The following NHSL1 variants were observed in gnomAD, a reference collection of about 807,000 sequenced individuals.
NHSL1 encodes the protein NHS-like protein 1.
NHSL1 carries 48 observed loss-of-function variants against 95.0 expected under a neutral mutation model. The ratio of observed to expected loss-of-function variants is 0.51; its 90% CI spans 0.40 to 0.64. The LOEUF (loss-of-function observed/expected upper bound fraction) is 0.64, where lower values mean the gene tolerates loss of function less well. NHSL1 is among the 30% of genes least tolerant of loss of function. NHSL1 has a pLI of 0.00. For missense variants in NHSL1, 1,971 were observed against 2,077.7 expected, an observed-to-expected ratio of 0.95 and a Z score of 1.00; for synonymous variants, 783 against 833.9, an observed-to-expected ratio of 0.94 and a Z score of 1.05.
At chr6:138,683,016 T>C (rs1236018429) in intron 1 of NHSL1, among the ~76,000 whole-genome samples, 1 of 152,132 alleles carries the variant, frequency 6.6e-6, no homozygotes, top group Non-Finnish European at 1.5e-5. Context: ...GCGACAGCTC[T>C]CCCATAGCTA....
intron 1 of NHSL1, among the ~76,000 whole-genome samples, chr6:138,613,887 T>G (rs943383826): frequency 2.6e-5 from 4 of 152,170 alleles, no homozygotes; most frequent in Non-Finnish European, 5.9e-5. Context: ...TCTGCAAATT[T>G]CCATGATTCC....
At position 138,473,287 on chromosome 6, in the gene NHSL1, G is replaced by A; in HGVS notation, c.339+19C>T. On this transcript the variant is annotated intron_variant, in intron 3 of 7. Coordinates refer to ENST00000343505, the MANE Select transcript of NHSL1 (RefSeq NM_001144060.2). ...TCTGGGACCCAACCCAGGACCCCGT[G>A]TTGAACTTTGAAGCTTACCTTTTGA... The A allele has an allele frequency of 6.6e-7, 1 of 1,524,062 alleles. No individual in the cohort carries two copies. The highest frequency in any genetic ancestry group is 8.8e-7 in the Non-Finnish European group (1 of 1,135,714). The allele number at this position is 1,524,062 out of a possible 1,614,324, so 94.4% of individuals were successfully genotyped here.
At chr6:138,554,775 T>C (rs943839355) in intron 1 of NHSL1, among the ~76,000 whole-genome samples, 13 of 152,216 alleles carry the variant, frequency 8.5e-5, no homozygotes, top group African/African-American at 2.9e-4. Context: ...TATAAAAAGG[T>C]AGTTTACTTC....
chr6:138,504,263 G>C (rs956813600), upstream of NHSL1, among the ~76,000 whole-genome samples: 3 of 152,134 alleles, frequency 2.0e-5, no homozygotes, highest in Non-Finnish European at 4.4e-5. Flanking sequence ...GAGAGAAAGA[G>C]AGAGAGAACG....
chr6:138,643,014 T>C (rs1182843205), intron 1 of NHSL1, among the ~76,000 whole-genome samples: 1 of 152,146 alleles, frequency 6.6e-6, no homozygotes, highest in Non-Finnish European at 1.5e-5. Context: ...AGCTTACCTA[T>C]CCCTACCATG....
At chr6:138,483,736 C>T (rs190287925) in intron 2 of NHSL1, among the ~76,000 whole-genome samples, 3 of 152,188 alleles carry the variant, frequency 2.0e-5, no homozygotes, top group Non-Finnish European at 2.9e-5. Context: ...AATCTCTCCA[C>T]GCCCTGAATG....
intron 1 of NHSL1, among the ~76,000 whole-genome samples, chr6:138,570,882 TG>T (rs1783814943): frequency 6.6e-6 from 1 of 152,240 alleles, no homozygotes; most frequent in Non-Finnish European, 1.5e-5. Flanking sequence ...ACTCCCCTAC[TG>T]GGCTTTGCCC....
chr6:138,687,389 C>T (rs1289097222), intron 1 of NHSL1, among the ~76,000 whole-genome samples: 1 of 152,024 alleles, frequency 6.6e-6, no homozygotes, highest in East Asian at 1.9e-4. Context: ...GACATCAGGA[C>T]CAGCCAACCC....
intron 1 of NHSL1, among the ~76,000 whole-genome samples, chr6:138,671,268 C>T (rs560193603): frequency 6.6e-6 from 1 of 151,940 alleles, no homozygotes; most frequent in South Asian, 2.1e-4. Context: ...ACCAGCCTGG[C>T]CAACATGGTG....
chr6:138,679,711 C>T (rs1785489316), intron 1 of NHSL1, among the ~76,000 whole-genome samples: 1 of 152,144 alleles, frequency 6.6e-6, no homozygotes, highest in Non-Finnish European at 1.5e-5. Context: ...AAGGGCTTTA[C>T]TTGGGATCCA....
At chr6:138,488,503 A>G (rs1446334593) in intron 2 of NHSL1, among the ~76,000 whole-genome samples, 1 of 152,214 alleles carries the variant, frequency 6.6e-6, no homozygotes, top group African/African-American at 2.4e-5. Context: ...AACCAATTAT[A>G]ACCCTAAAAA....
rs189441137 is a variant in NHSL1, at chr6:138,483,199, C to A, written c.212-9766G>T. Among the ~76,000 whole-genome samples the A allele has an allele frequency of 1.1e-3, 168 of 152,286 alleles. 1 individual carries two copies. The highest frequency in any genetic ancestry group is 3.6e-3 in the African/African-American group (149 of 41,556). ...GTCTTCTCTACTCAGAGGAGGTGTT[C>A]GGTGGGGATCCCAAAGAGGGCAATA... is the stretch of plus-strand genomic sequence containing the variant. On this transcript the variant is annotated intron_variant, in intron 2 of 7. Coordinates refer to ENST00000343505, the MANE Select transcript of NHSL1 (RefSeq NM_001144060.2).
chr6:138,670,299 T>G (rs1293151597), intron 1 of NHSL1, among the ~76,000 whole-genome samples: 1 of 150,740 alleles, frequency 6.6e-6, no homozygotes, highest in Admixed American at 6.6e-5. Flanking sequence ...ACTAGACACC[T>G]TAGGAAAATC....
In NHSL1 at chr6:138,425,130, G is replaced by A. The variant is rs553953959; in HGVS notation, c.4086-314C>T. On this transcript the variant is annotated intron_variant, in intron 7 of 7. Transcript: ENST00000343505. ...TTATTTTTTTGAGACTCACTCTGTC[G>A]CTCAGGCTGGAGTGCAATAGCGCAA... 6.6e-5 allele frequency among the ~76,000 whole-genome samples: 10 copies of A among 152,056 alleles called. No individual in the cohort carries two copies. The South Asian group carries it at 1.9e-3, about 28-fold the overall frequency.
intron 1 of NHSL1, among the ~76,000 whole-genome samples, chr6:138,640,353 C>T (rs1221739882): frequency 6.6e-6 from 1 of 152,158 alleles, no homozygotes; most frequent in Non-Finnish European, 1.5e-5. Context: ...CAGCACCTAT[C>T]AAAATCCCTA....
chr6:138,473,678 C>A (rs936784854), intron 2 of NHSL1, among the ~76,000 whole-genome samples: 1 of 152,002 alleles, frequency 6.6e-6, no homozygotes, highest in Non-Finnish European at 1.5e-5. Context: ...GAGATCACAA[C>A]CATCCTGTGA....
chr6:138,632,326 C>G (rs1334353183), intron 1 of NHSL1, among the ~76,000 whole-genome samples: 2 of 152,202 alleles, frequency 1.3e-5, no homozygotes, highest in African/African-American at 4.8e-5. Context: ...ACAGGCCTGG[C>G]CCACATTGCC....
intron 3 of NHSL1, among the ~76,000 whole-genome samples, chr6:138,458,260 T>C (rs1323170470): frequency 6.6e-6 from 1 of 152,214 alleles, no homozygotes; most frequent in African/African-American, 2.4e-5. Context: ...GCTGCCACAA[T>C]GGAGGAATCC....
At chr6:138,565,985 A>G (rs1186997426) in intron 1 of NHSL1, among the ~76,000 whole-genome samples, 1 of 151,464 alleles carries the variant, frequency 6.6e-6, no homozygotes, top group Non-Finnish European at 1.5e-5. Context: ...CTAATTTGAC[A>G]GAACATGTTA....
Sources: gnomAD v4.1 joint callset for allele counts (sites outside exome capture counted in the v4.1 genomes callset) on GRCh38, gnomAD v4.1.1 for gene constraint, MANE v1.5 for transcripts, NCBI Gene and HGNC (gene_info 2026-07-23, HGNC 2026-07-21) for gene names.